TRIM55: variants seen among roughly 807,000 people sequenced by gnomAD.
TRIM55 encodes the protein tripartite motif containing 55, also known as tripartite motif-containing protein 55.
In TRIM55, 50 loss-of-function variants were observed where a neutral mutation model predicts 60.9. The ratio of observed to expected loss-of-function variants is 0.82; its 90% confidence interval spans 0.65 to 1.04. The LOEUF (loss-of-function observed/expected upper bound fraction) is 1.04. Among genes scored for constraint, TRIM55 ranks in the 50% least tolerant of loss-of-function variants. The pLI is 0.00. For missense variants in TRIM55, 681 were observed against 666.9 expected, an observed-to-expected ratio of 1.02 and a Z score of -0.23; for synonymous variants, 237 against 238.1, an observed-to-expected ratio of 1.00 and a Z score of 0.04.
At chr8:66,139,623 G>T (rs899288726) in intron 4 of TRIM55, among the ~76,000 whole-genome samples, 1 of 152,118 alleles carries the variant, frequency 6.6e-6, no homozygotes, top group Non-Finnish European at 1.5e-5. Flanking sequence ...CATTCTTATT[G>T]GCAATACAAT....
the TRIM55 span, among the ~76,000 whole-genome samples, chr8:66,116,098 C>G: frequency 6.6e-6 from 1 of 151,988 alleles, no homozygotes; most frequent in African/African-American, 2.4e-5. Flanking sequence ...GAAAGAGGTG[C>G]TTGGATCTAC....
At chr8:66,150,183 T>C (rs1251264234) in intron 5 of TRIM55, 34 bp from the exon 6 acceptor site, 2 of 1,605,470 alleles carry the variant, frequency 1.2e-6, no homozygotes, top group Admixed American at 3.4e-5. Context: ...GTGGAAATAA[T>C]TTAAGTAAGA....
In TRIM55 at chr8:66,136,631, G is replaced by A. The variant is rs117282140; in HGVS notation, c.508-464G>A. 1.8e-3 allele frequency among the ~76,000 whole-genome samples: 272 copies of A among 152,306 alleles called. 2 individuals are homozygous for A. The highest frequency in any genetic ancestry group is 1.4e-3 in the South Asian group (7 of 4,828). Reference sequence around the variant, plus strand: ...CCCCTAGAACTAGTTCTTTGTTTCAGTGTGAAGTTTGTAATGACTTAGTCT... The same window carrying A: ...CCCCTAGAACTAGTTCTTTGTTTCAATGTGAAGTTTGTAATGACTTAGTCT... On this transcript the variant is annotated intron_variant, in intron 3 of 9. Transcript: ENST00000315962.
chr8:66,143,283 G>A (rs561437141), intron 4 of TRIM55, among the ~76,000 whole-genome samples: 4 of 152,288 alleles, frequency 2.6e-5, no homozygotes, highest in South Asian at 2.1e-4. Flanking sequence ...GCCATGGCAC[G>A]TGTGCAAGCT....
chr8:66,134,709 C>A (rs560133163), intron 2 of TRIM55, among the ~76,000 whole-genome samples: 1 of 152,200 alleles, frequency 6.6e-6, no homozygotes, highest in South Asian at 2.1e-4. Context: ...TGGAAATACA[C>A]CATGGAAATG....
At position 66,174,835 on chromosome 8, in the gene TRIM55, A is replaced by G. The variant is rs1811836781; in HGVS notation, c.*242A>G. On this transcript the variant is annotated 3_prime_UTR_variant, in exon 10 of 10. Coordinates refer to ENST00000315962, the MANE Select transcript of TRIM55 (RefSeq NM_184085.2). ...AAACTTGATCTTATACAAATCTTCT[A>G]TTGTGTGGAAAATGTTGTGAAGGGT... 3.6e-6 allele frequency: 1 copy of G among 280,884 alleles called. No homozygotes were observed. The highest frequency in any genetic ancestry group is 2.3e-5 in the African/African-American group (1 of 43,972). 17.4% of individuals were successfully genotyped at this position (280,884 alleles called of 1,614,324 possible). A position where few individuals can be genotyped will look rare whatever the true frequency, so the allele number is the denominator to read the frequency against.
upstream of TRIM55, among the ~76,000 whole-genome samples, chr8:66,122,045 C>A (rs546930509): frequency 3.9e-5 from 6 of 152,252 alleles, no homozygotes; most frequent in South Asian, 1.2e-3. Flanking sequence ...CCACTTACAG[C>A]TCACACACCC....
At chr8:66,155,589 A>C (rs1186619550) in intron 9 of TRIM55, 1 of 1,411,564 alleles carries the variant, frequency 7.1e-7, no homozygotes, top group South Asian at 1.2e-5. Context: ...ATTTGTGATA[A>C]TATCAGTGAA....
At chr8:66,167,991 C>T (rs865989863) in intron 9 of TRIM55, among the ~76,000 whole-genome samples, 2 of 152,154 alleles carry the variant, frequency 1.3e-5, no homozygotes, top group Non-Finnish European at 2.9e-5. Flanking sequence ...CTCAAGCAAT[C>T]CTCCTGCCTC....
At chr8:66,138,137 T>A (rs1473843500) in intron 4 of TRIM55, among the ~76,000 whole-genome samples, 1 of 152,168 alleles carries the variant, frequency 6.6e-6, no homozygotes, top group Non-Finnish European at 1.5e-5. Flanking sequence ...TATGATGCTG[T>A]TCAGTTCATG....
In TRIM55 at chr8:66,152,606, T is replaced by A. The variant is rs1189567621; in HGVS notation, c.1215T>A (p.Ala405=). Residue 405 remains alanine, a synonymous_variant, in exon 8 of 10, where the codon GCT becomes GCA. Coordinates refer to ENST00000315962, the MANE Select transcript of TRIM55 (RefSeq NM_184085.2). ...AGCCACCTCCAGCCCTGCCACCTGCTGCGGATGCCCCTGTGACACAGGTAA... is the reference window on the plus strand; with the variant it reads ...AGCCACCTCCAGCCCTGCCACCTGCAGCGGATGCCCCTGTGACACAGGTAA... The part of the protein sequence containing the change: ...SPEPPPALPP[A]ADAPVTQGEV... 2 of 1,614,046 alleles carry A rather than the reference T, an allele frequency of 1.2e-6. No individual in the cohort carries two copies.
At chr8:66,138,002 G>T (rs1006371644) in intron 4 of TRIM55, among the ~76,000 whole-genome samples, 4 of 152,170 alleles carry the variant, frequency 2.6e-5, no homozygotes, top group African/African-American at 9.7e-5. Context: ...TCTGGGGCAG[G>T]TGCAAGACAC....
chr8:66,130,947 C>A (rs1809119948), intron 2 of TRIM55, among the ~76,000 whole-genome samples: 1 of 152,188 alleles, frequency 6.6e-6, no homozygotes. Flanking sequence ...AGGCATGAGC[C>A]ACTGCGCCCA....
chr8:66,150,543 G>A lies in TRIM55; in HGVS notation c.985+77G>A, dbSNP rs770429553. ...CCGAAGAGTTGGGTGGGAGGAAAGC[G>A]GGGATTCAGAATCACCTCCAGAATC... On this transcript the variant is annotated intron_variant, in intron 7 of 9. Coordinates refer to ENST00000315962, the MANE Select transcript of TRIM55 (RefSeq NM_184085.2). 6.4e-4 allele frequency: 1,004 copies of A among 1,557,024 alleles called. 1 individual carries two copies. Among genetic ancestry groups the A allele is most frequent in the Non-Finnish European group, 7.6e-4 (867 of 1,138,040 alleles).
chr8:66,150,167 TC>T (rs1372381659), intron 5 of TRIM55, 49 bp from the exon 6 acceptor site: 1 of 1,594,144 alleles, frequency 6.3e-7, no homozygotes, highest in African/African-American at 1.3e-5. Flanking sequence ...CTTACCACTG[TC>T]TTTTGTGGAA....
At chr8:66,159,477 A>G (rs943577169) in intron 9 of TRIM55, among the ~76,000 whole-genome samples, 1 of 152,248 alleles carries the variant, frequency 6.6e-6, no homozygotes, top group Non-Finnish European at 1.5e-5. Flanking sequence ...TTTGGCTATA[A>G]TAAGTAAAGC....
intron 9 of TRIM55, among the ~76,000 whole-genome samples, chr8:66,167,022 C>T (rs963067234): frequency 1.3e-5 from 2 of 152,144 alleles, no homozygotes; most frequent in Non-Finnish European, 2.9e-5. Context: ...GAGGGCGAGC[C>T]GATCCTTCAG....
chr8:66,171,367 A>G (rs1313071386), intron 9 of TRIM55, among the ~76,000 whole-genome samples: 1 of 151,680 alleles, frequency 6.6e-6, no homozygotes, highest in Non-Finnish European at 1.5e-5. Context: ...TTTCTGTGTT[A>G]GTTTGCTAAG....
chr8:66,142,311 C>A lies in TRIM55; in HGVS notation c.603+5121C>A, dbSNP rs991137604. 7.2e-5 allele frequency among the ~76,000 whole-genome samples: 11 copies of A among 152,280 alleles called. No homozygotes were observed. The South Asian group carries it at 2.3e-3, about 32-fold the overall frequency. On this transcript the variant is annotated intron_variant, in intron 4 of 9. Transcript: ENST00000315962. Reference sequence around the variant, plus strand: ...TTGTGATGGCAGGACTGAGCATCTCCCTCTAGAGGGACACGTTGAGAATGA... The same window carrying A: ...TTGTGATGGCAGGACTGAGCATCTCACTCTAGAGGGACACGTTGAGAATGA...
Sources: allele counts gnomAD v4.1 joint callset (sites outside exome capture counted in the v4.1 genomes callset), GRCh38; gene constraint gnomAD v4.1.1; transcripts MANE v1.5; gene names NCBI Gene and HGNC (gene_info 2026-07-23, HGNC 2026-07-21).